Variants in GLRX3 observed in about 807,000 individuals in gnomAD.
GLRX3 encodes the protein glutaredoxin-3.
A neutral mutation model predicts 49.5 loss-of-function variants in GLRX3; 22 were observed. The ratio of observed to expected loss-of-function variants is 0.44; its 90% CI spans 0.32 to 0.63. GLRX3 has a LOEUF of 0.63. Among genes scored for constraint, GLRX3 ranks in the 30% least tolerant of loss-of-function variants. The probability of loss-of-function intolerance (pLI) is 0.05; values close to 1 mark genes in which losing one functional copy is unlikely to be tolerated. For missense variants in GLRX3, 385 were observed against 396.3 expected (o/e 0.97, Z 0.24); for synonymous variants, 133 against 140.0 (o/e 0.95, Z 0.35).
intron 1 of GLRX3, among the ~76,000 whole-genome samples, chr10:130,139,391 G>A (rs984935572): frequency 7.2e-5 from 11 of 151,914 alleles, no homozygotes; most frequent in African/African-American, 2.4e-4. Context: ...TGTAATCCCA[G>A]CACTTTGGGA....
intron 2 of GLRX3, among the ~76,000 whole-genome samples, chr10:130,151,430 G>A (rs1025401335): frequency 1.2e-4 from 18 of 152,094 alleles, no homozygotes; most frequent in East Asian, 3.9e-4. Flanking sequence ...GTGCAGGTTC[G>A]TTACATAGGT....
At chr10:130,160,206 G>A in intron 3 of GLRX3, 137 bp downstream of exon 3, 1 of 622,172 alleles carries the variant, frequency 1.6e-6, no homozygotes. Flanking sequence ...TCTTCTGATA[G>A]TCTCATTTTT....
At chr10:130,152,751 A>G (rs781024380) in intron 2 of GLRX3, among the ~76,000 whole-genome samples, 2 of 148,960 alleles carry the variant, frequency 1.3e-5, no homozygotes, top group Non-Finnish European at 3.0e-5. Flanking sequence ...CTTAATTTCA[A>G]CCTTGGTGAA....
chr10:130,155,932 G>A (rs1862462983), intron 2 of GLRX3, among the ~76,000 whole-genome samples: 1 of 152,160 alleles, frequency 6.6e-6, no homozygotes, highest in African/African-American at 2.4e-5. Flanking sequence ...GCAGGAAGGT[G>A]GTTGTGGTCA....
At chr10:130,143,221 T>C (rs1208617456) in intron 1 of GLRX3, among the ~76,000 whole-genome samples, 1 of 152,234 alleles carries the variant, frequency 6.6e-6, no homozygotes, top group Non-Finnish European at 1.5e-5. Context: ...GCTTCTGCTT[T>C]CCTGACACTT....
At chr10:130,140,323 T>C (rs537582031) in intron 1 of GLRX3, among the ~76,000 whole-genome samples, 2 of 152,330 alleles carry the variant, frequency 1.3e-5, no homozygotes, top group East Asian at 1.9e-4. Context: ...CCAACAATGC[T>C]CCAGGCATAT....
At chr10:130,154,145 A>C (rs1283681313) in intron 2 of GLRX3, among the ~76,000 whole-genome samples, 1 of 152,232 alleles carries the variant, frequency 6.6e-6, no homozygotes, top group Non-Finnish European at 1.5e-5. Flanking sequence ...CGAGCCAGGC[A>C]CGGGAGGGAA....
At chr10:130,170,134 CATTT>C (rs1380081699) in intron 7 of GLRX3, among the ~76,000 whole-genome samples, 1 of 152,200 alleles carries the variant, frequency 6.6e-6, no homozygotes. Context: ...CAGCCATACA[CATTT>C]ATATCATATT....
chr10:130,166,940 C>G lies in GLRX3; in HGVS notation c.673C>G (p.Leu225Val). 1 of 1,596,084 alleles carries G rather than the reference C, an allele frequency of 6.3e-7. No homozygotes were observed. The highest frequency in any genetic ancestry group is 8.5e-7 in the Non-Finnish European group (1 of 1,170,428). ...IIKELEASEE[L>V]DTICPKAPKL... is the part of the protein sequence containing the mutation. Reference sequence around the variant, plus strand: ...TTAGGAGCTAGAAGCATCTGAAGAACTAGATACAATTTGTCCCAAAGCTCC... The same window carrying G: ...TTAGGAGCTAGAAGCATCTGAAGAAGTAGATACAATTTGTCCCAAAGCTCC... The change falls in exon 6 of 11, where the codon CTA (leucine) becomes GTA (valine). Residue 225 changes from leucine (L) to valine (V), a missense_variant. Physicochemically the swap from Leu to Val is conservative, Grantham distance 32. Around this residue, in one of 2 missense-constraint regions of GLRX3, gnomAD observed 374 missense variants for 358.6 expected, o/e 1.04. Transcript: ENST00000331244.
At chr10:130,137,467 T>C (rs765729203) in intron 1 of GLRX3, among the ~76,000 whole-genome samples, 1 of 152,158 alleles carries the variant, frequency 6.6e-6, no homozygotes, top group African/African-American at 2.4e-5. Context: ...GGAACTCTTA[T>C]GTCGGATTGC....
intron 2 of GLRX3, among the ~76,000 whole-genome samples, chr10:130,155,839 C>T (rs1862461563): frequency 6.6e-6 from 1 of 152,132 alleles, no homozygotes; most frequent in Admixed American, 6.5e-5. Flanking sequence ...TGTTCAGGGG[C>T]TGCCAGAGAT....
At chr10:130,159,868 C>T (rs1483372571) in intron 2 of GLRX3, 127 bp from the exon 3 acceptor site, 46 of 1,340,718 alleles carry the variant, frequency 3.4e-5, no homozygotes, top group Non-Finnish European at 4.5e-5. Context: ...GTGTCATAAA[C>T]TTTTGTACCA....
intron 7 of GLRX3, among the ~76,000 whole-genome samples, chr10:130,170,903 G>C (rs959958866): frequency 2.6e-5 from 4 of 152,100 alleles, no homozygotes; most frequent in African/African-American, 9.7e-5. Flanking sequence ...GGAGGCCAAG[G>C]CAGGTCCGAG....
chr10:130,153,302 A>G (rs766952472), intron 2 of GLRX3, among the ~76,000 whole-genome samples: 2 of 152,182 alleles, frequency 1.3e-5, no homozygotes, highest in Non-Finnish European at 2.9e-5. Context: ...GCTTCTGTCA[A>G]CTTGTTGAAC....
chr10:130,169,014 C>A (rs916406296), intron 6 of GLRX3, among the ~76,000 whole-genome samples: 1 of 152,068 alleles, frequency 6.6e-6, no homozygotes, highest in Non-Finnish European at 1.5e-5. Context: ...ACGCTGTCAC[C>A]CTGCAGTCCG....
In GLRX3 at chr10:130,142,952, G is replaced by A. The variant is rs1180019950; in HGVS notation, c.93-2259G>A. 3.3e-5 allele frequency among the ~76,000 whole-genome samples: 5 copies of A among 152,318 alleles called. No individual in the cohort carries two copies. The South Asian group carries it at 6.2e-4, about 19-fold the overall frequency. On this transcript the variant is annotated intron_variant, in intron 1 of 10. Coordinates refer to ENST00000331244, the MANE Select transcript of GLRX3 (RefSeq NM_006541.5). The stretch of plus-strand genomic sequence containing the variant: ...TCTGTGTCCCTCTGTAACCCTTTGC[G>A]GTGTGGTGCTGGCACTGTTCCTTTC...
chr10:130,167,782 T>C (rs1421760724), intron 6 of GLRX3, among the ~76,000 whole-genome samples: 6 of 152,196 alleles, frequency 3.9e-5, no homozygotes, highest in Admixed American at 3.9e-4. Flanking sequence ...ATTAATAATT[T>C]CTATAAACAG....
At position 130,169,476 on chromosome 10, in the gene GLRX3, A is replaced by C; in HGVS notation, c.757A>C (p.Lys253Gln). 1 of 1,608,176 alleles carries C rather than the reference A, an allele frequency of 6.2e-7. No individual in the cohort carries two copies. Among genetic ancestry groups the C allele is most frequent in the Non-Finnish European group, 8.5e-7 (1 of 1,174,500 alleles). Reference sequence around the variant, plus strand: ...TAAAGCTTCTGTGATGCTCTTTATGAAAGGAAACAAACAGGTAAAGAACTC... The same window carrying C: ...TAAAGCTTCTGTGATGCTCTTTATGCAAGGAAACAAACAGGTAAAGAACTC... ...TNKASVMLFM[K>Q]GNKQEAKCGF... is the part of the protein sequence containing the mutation. The change falls in exon 7 of 11, where the codon AAA becomes CAA. Residue 253 changes from lysine to glutamine, a missense_variant. This residue lies in a region of GLRX3 where 374 missense variants were observed against 358.6 expected (regional missense o/e 1.04). Transcript: ENST00000331244.
chr10:130,163,845 A>G (rs1359286504), intron 4 of GLRX3, among the ~76,000 whole-genome samples: 2 of 152,220 alleles, frequency 1.3e-5, no homozygotes, highest in East Asian at 1.9e-4. Flanking sequence ...AGCACTGGCC[A>G]TCTCATCTTG....
Sources: allele counts gnomAD v4.1 joint callset (sites outside exome capture counted in the v4.1 genomes callset), GRCh38; gene constraint gnomAD v4.1.1; regional missense constraint gnomAD v4.1.1; transcripts MANE v1.5; gene names NCBI Gene and HGNC (gene_info 2026-07-23, HGNC 2026-07-21).